Variants in FRMPD4 observed in about 807,000 individuals in gnomAD.
FRMPD4 encodes the protein FERM and PDZ domain-containing protein 4.
FRMPD4 carries 22 observed loss-of-function variants against 94.1 expected under a neutral mutation model. That is an observed-to-expected ratio of 0.23 (90% CI 0.17 to 0.33). The LOEUF (loss-of-function observed/expected upper bound fraction) is 0.33. Among genes scored for constraint, FRMPD4 ranks in the 10% least tolerant of loss-of-function variants. FRMPD4 has a pLI of 1.00. For synonymous variants in FRMPD4, 631 were observed against 548.6 expected, an observed-to-expected ratio of 1.15 and a Z score of -2.10; for missense variants, 1,111 against 1,339.9, an observed-to-expected ratio of 0.83 and a Z score of 2.67.
In FRMPD4 at chrX:12,716,749, G is replaced by A; in HGVS notation, c.2290G>A (p.Glu764Lys). The change falls in exon 15 of 17, where the codon GAG (glutamate) becomes AAG (lysine). Residue 764 changes from glutamate (E) to lysine (K), a missense_variant. Glu to Lys is a moderately conservative substitution (Grantham distance 56). Coordinates refer to ENST00000675598, the MANE Select transcript of FRMPD4 (RefSeq NM_001368397.1). ...CTGCGAGGAGGACCTCGTGGTGGGGGAGATGAACCAGCCGGCCATCCTCAA... is the reference window on the plus strand; with the variant it reads ...CTGCGAGGAGGACCTCGTGGTGGGGAAGATGAACCAGCCGGCCATCCTCAA... ...VSCEEDLVVG[E>K]MNQPAILNLS... The A allele has an allele frequency of 2.5e-6, 3 of 1,211,348 alleles. No homozygotes were observed. Among genetic ancestry groups the A allele is most frequent in the Non-Finnish European group, 3.4e-6 (3 of 894,971 alleles).
At chrX:12,678,506 A>G (rs1367430141) in intron 5 of FRMPD4, among the ~76,000 whole-genome samples, 1 of 112,066 alleles carries the variant, frequency 8.9e-6, no homozygotes, top group Non-Finnish European at 1.9e-5. Context: ...TCCAAAGCCA[A>G]TCTTACCTGA....
chrX:11,918,294 T>C (rs909006845), intron 3 of FRMPD4, among the ~76,000 whole-genome samples: 4 of 113,201 alleles, frequency 3.5e-5, no homozygotes, highest in Non-Finnish European at 7.5e-5. Context: ...ATTCATTTGA[T>C]ATATCTCTGA....
chrX:12,098,451 A>C (rs2055225752), intron 3 of FRMPD4, among the ~76,000 whole-genome samples: 1 of 112,448 alleles, frequency 8.9e-6, no homozygotes, highest in Non-Finnish European at 1.9e-5. Context: ...CATTAACCAA[A>C]AGGTGAGGCT....
chrX:12,346,287 A>G (rs1450401748), intron 1 of FRMPD4, among the ~76,000 whole-genome samples: 3 of 110,004 alleles, frequency 2.7e-5, no homozygotes, highest in Non-Finnish European at 5.7e-5. Context: ...GGAAAAAAAA[A>G]AAATAGGTTG....
intron 2 of FRMPD4, among the ~76,000 whole-genome samples, chrX:12,534,254 A>G (rs985713004): frequency 1.6e-4 from 18 of 112,914 alleles, no homozygotes; most frequent in African/African-American, 4.8e-4. Flanking sequence ...ACCTCTGCCT[A>G]GATTTCAGAA....
At chrX:12,264,662 A>G (rs560630654) in intron 1 of FRMPD4, among the ~76,000 whole-genome samples, 2 of 112,692 alleles carry the variant, frequency 1.8e-5, no homozygotes, top group African/African-American at 6.4e-5. Context: ...TTAGTCTAAC[A>G]TAACAAACTT....
At chrX:12,518,869 A>G (rs765924923) in intron 2 of FRMPD4, among the ~76,000 whole-genome samples, 7 of 112,437 alleles carry the variant, frequency 6.2e-5, no homozygotes, top group African/African-American at 2.3e-4. Context: ...CAAATTCAGC[A>G]AAGTTACAGG....
chrX:12,149,921 C>T (rs952869485), intron 1 of FRMPD4, among the ~76,000 whole-genome samples: 1 of 110,301 alleles, frequency 9.1e-6, no homozygotes, highest in African/African-American at 3.4e-5. Context: ...AGGCAAGACC[C>T]TCCACCAGCA....
At chrX:12,453,023 G>A (rs1269478538) in intron 1 of FRMPD4, among the ~76,000 whole-genome samples, 2 of 112,202 alleles carry the variant, frequency 1.8e-5, no homozygotes. Flanking sequence ...ATTATATAAT[G>A]TGACTCTCAT....
chrX:12,151,012 C>G (rs1324775419), intron 1 of FRMPD4, among the ~76,000 whole-genome samples: 1 of 110,644 alleles, frequency 9.0e-6, no homozygotes, highest in African/African-American at 3.3e-5. Context: ...TATATTTGAC[C>G]CAGAGTTAGT....
chrX:12,250,058 GTGTGTT>G (rs2054015686), intron 1 of FRMPD4, among the ~76,000 whole-genome samples: 22 of 78,393 alleles, frequency 2.8e-4, no homozygotes, highest in Admixed American at 2.1e-3. Context: ...CTGTGTGTGT[GTGTGTT>G]TGTGTGTTTG....
intron 3 of FRMPD4, among the ~76,000 whole-genome samples, chrX:12,010,309 A>G (rs1015387227): frequency 4.4e-5 from 5 of 112,600 alleles, no homozygotes; most frequent in African/African-American, 1.6e-4. Context: ...ATTGATATAC[A>G]CAAGCAGATA....
At chrX:11,884,754 T>C (rs971595006) in intron 3 of FRMPD4, among the ~76,000 whole-genome samples, 1 of 111,968 alleles carries the variant, frequency 8.9e-6, no homozygotes, top group Non-Finnish European at 1.9e-5. Context: ...CTTTTTATTA[T>C]AAAATTAATT....
intron 2 of FRMPD4, 42 bp from the exon 3 acceptor site, chrX:12,609,675 GACAT>G (rs754046513): frequency 1.7e-5 from 18 of 1,085,735 alleles, no homozygotes; most frequent in Admixed American, 8.8e-5. Context: ...CAATGCCTAA[GACAT>G]ACATTGATGC....
chrX:12,343,912 T>A (rs2055659534), intron 1 of FRMPD4, among the ~76,000 whole-genome samples: 1 of 112,476 alleles, frequency 8.9e-6, no homozygotes, highest in South Asian at 3.7e-4. Context: ...CATTTTCTTT[T>A]CTAAGCATCA....
intron 1 of FRMPD4, among the ~76,000 whole-genome samples, chrX:12,191,210 A>G (rs930212509): frequency 5.3e-5 from 6 of 112,199 alleles, no homozygotes; most frequent in African/African-American, 1.9e-4. Flanking sequence ...CTATACATCT[A>G]TTAGAATGGC....
rs751014013 is a variant in FRMPD4, at chrX:12,232,053, G to A, written c.41+93041G>A. Among the ~76,000 whole-genome samples, 119 of 111,405 alleles carry A rather than the reference G, an allele frequency of 1.1e-3. 2 individuals carry two copies. Among genetic ancestry groups the A allele is most frequent in the Non-Finnish European group, 4.1e-4 (22 of 53,099 alleles). Reference sequence around the variant, plus strand: ...GGAAGAGAAGACATAAATGAGGGCCGTCCCAAGCAAAACGGACTGTATGGT... The same window carrying A: ...GGAAGAGAAGACATAAATGAGGGCCATCCCAAGCAAAACGGACTGTATGGT... On this transcript the variant is annotated intron_variant, in intron 1 of 16. Coordinates refer to ENST00000675598, the MANE Select transcript of FRMPD4 (RefSeq NM_001368397.1).
intron 2 of FRMPD4, among the ~76,000 whole-genome samples, chrX:12,513,803 C>T (rs779871788): frequency 9.8e-5 from 11 of 111,752 alleles, no homozygotes; most frequent in East Asian, 2.8e-4. Context: ...TAAATTACTT[C>T]GGGCAGTATG....
intron 2 of FRMPD4, among the ~76,000 whole-genome samples, chrX:12,545,718 G>A (rs958110701): frequency 2.7e-5 from 3 of 112,642 alleles, no homozygotes; most frequent in African/African-American, 9.7e-5. Flanking sequence ...AGAAAATGAT[G>A]TTTAACGGTA....
Sources: allele counts gnomAD v4.1 joint callset (sites outside exome capture counted in the v4.1 genomes callset), GRCh38; gene constraint gnomAD v4.1.1; transcripts MANE v1.5; gene names NCBI Gene and HGNC (gene_info 2026-07-23, HGNC 2026-07-21).